Variants in UNC13C observed in about 807,000 individuals in gnomAD.
UNC13C encodes unc-13 homolog C.
A neutral mutation model predicts 245.4 loss-of-function variants in UNC13C; 174 were observed. The ratio of observed to expected loss-of-function variants is 0.71; its 90% CI spans 0.63 to 0.80. The LOEUF (loss-of-function observed/expected upper bound fraction) is 0.80, where lower values mean the gene tolerates loss of function less well. Ranked by LOEUF, UNC13C falls within the 30% of genes least tolerant of loss-of-function variation. The pLI is 0.00. For synonymous variants in UNC13C, 992 were observed against 895.1 expected (o/e 1.11, Z -1.93); for missense variants, 2,829 against 2,602.9 (o/e 1.09, Z -1.89).
intron 13 of UNC13C, among the ~76,000 whole-genome samples, chr15:54,303,083 C>T (rs2037630852): frequency 6.6e-6 from 1 of 152,122 alleles, no homozygotes. Flanking sequence ...ATTGAACCTC[C>T]TTCTCAAATC....
At chr15:54,295,691 A>AG (rs10658183) in intron 11 of UNC13C, among the ~76,000 whole-genome samples, 1 of 151,426 alleles carries the variant, frequency 6.6e-6, no homozygotes, top group African/African-American at 2.4e-5. Flanking sequence ...AAAAAGAAAA[A>AG]CCATGTACCA....
chr15:54,142,948 T>C (rs2032090453), intron 2 of UNC13C, 70 bp from the exon 3 acceptor site: 5 of 1,309,114 alleles, frequency 3.8e-6, no homozygotes, highest in African/African-American at 1.5e-5. Flanking sequence ...TGTTCATGTA[T>C]ATGTTTAAAC....
At chr15:54,202,981 T>G (rs928497621) in intron 4 of UNC13C, among the ~76,000 whole-genome samples, 10 of 151,440 alleles carry the variant, frequency 6.6e-5, no homozygotes, top group Non-Finnish European at 1.3e-4. Flanking sequence ...GAAAAAAATT[T>G]CTATCAAAAA....
the UNC13C span, among the ~76,000 whole-genome samples, chr15:53,861,667 G>C: frequency 2.8e-4 from 43 of 152,164 alleles, no homozygotes; most frequent in African/African-American, 9.2e-4. Context: ...AGAAAAGTGA[G>C]GTAAAGAAAG....
chr15:53,880,002 T>C, the UNC13C span, among the ~76,000 whole-genome samples: 1 of 152,230 alleles, frequency 6.6e-6, no homozygotes, highest in Middle Eastern at 3.4e-3. Context: ...TTTTCTTTTT[T>C]GTTTTTAGGG....
chr15:54,304,053 AT>A (rs908631622), intron 13 of UNC13C, among the ~76,000 whole-genome samples: 7 of 151,710 alleles, frequency 4.6e-5, no homozygotes, highest in Non-Finnish European at 8.8e-5. Flanking sequence ...AGGGGTTGGA[AT>A]TTTTTTTTCT....
chr15:54,499,486 A>G (rs1339869985), intron 20 of UNC13C, among the ~76,000 whole-genome samples: 9 of 152,190 alleles, frequency 5.9e-5, no homozygotes, highest in Admixed American at 2.0e-4. Context: ...GTATGGCATG[A>G]TGACCTGATT....
intron 2 of UNC13C, among the ~76,000 whole-genome samples, chr15:54,080,252 G>A (rs571731176): frequency 7.2e-5 from 11 of 151,950 alleles, no homozygotes; most frequent in African/African-American, 1.7e-4. Context: ...TGGGGTCTAC[G>A]TTCATCAAGG....
chr15:54,318,132 C>T (rs1468149869), intron 13 of UNC13C, among the ~76,000 whole-genome samples: 1 of 151,922 alleles, frequency 6.6e-6, no homozygotes, highest in African/African-American at 2.4e-5. Flanking sequence ...CATTCATCTA[C>T]TGATAGATAC....
At position 54,603,487 on chromosome 15, in the gene UNC13C, T is replaced by C. The variant is rs189090303; in HGVS notation, c.6107-18840T>C. On this transcript the variant is annotated intron_variant, in intron 30 of 32. Transcript: ENST00000260323. ...CACTGCATTCATTCTTAGATATATA[T>C]AGAAAATCACTTGTTTAATACTCCA... 1.4e-3 allele frequency among the ~76,000 whole-genome samples: 215 copies of C among 152,240 alleles called. 1 individual carries two copies. The highest frequency in any genetic ancestry group is 2.3e-3 in the Non-Finnish European group (159 of 68,006).
the UNC13C span, among the ~76,000 whole-genome samples, chr15:53,874,260 C>A: frequency 3.3e-5 from 5 of 152,112 alleles, no homozygotes; most frequent in African/African-American, 1.2e-4. Context: ...AGGTATTATA[C>A]AAAGTACCTT....
chr15:54,436,534 A>G (rs1237362213), intron 19 of UNC13C, among the ~76,000 whole-genome samples: 6 of 151,944 alleles, frequency 3.9e-5, no homozygotes, highest in African/African-American at 1.4e-4. Flanking sequence ...GAAGCTGGAA[A>G]CCATCATTCT....
chr15:54,266,112 C>T (rs2036543809), intron 10 of UNC13C, among the ~76,000 whole-genome samples: 1 of 151,924 alleles, frequency 6.6e-6, no homozygotes, highest in South Asian at 2.1e-4. Flanking sequence ...AAAATTCCTA[C>T]ATGAGTTAAA....
chr15:54,112,114 G>A lies in UNC13C; in HGVS notation c.2984-30904G>A, dbSNP rs1446734220. On this transcript the variant is annotated intron_variant, in intron 2 of 32. Transcript: ENST00000260323. ...CTTGTTAAAATTCTACTTTCTAAAA[G>A]AAGGAAGAAAGTTACTATCCCCAAC... Among the ~76,000 whole-genome samples, 3 of 152,138 alleles carry A rather than the reference G, an allele frequency of 2.0e-5. No homozygotes were observed. In the South Asian group the frequency reaches 6.2e-4, roughly 32 times the overall value.
chr15:54,609,393 C>T (rs1899953607), intron 30 of UNC13C: 1 of 152,158 alleles, frequency 6.6e-6, no homozygotes, highest in Non-Finnish European at 1.5e-5. Flanking sequence ...ATGATAGCTG[C>T]TTGGCGGGGT....
chr15:54,501,158 T>G (rs1596481958), intron 22 of UNC13C, among the ~76,000 whole-genome samples, 180 bp downstream of exon 22: 1 of 152,170 alleles, frequency 6.6e-6, no homozygotes, highest in African/African-American at 2.4e-5. Context: ...GTTTCTTTAA[T>G]ATGGATTTAT....
chr15:54,455,195 C>CTA (rs1891421525), intron 19 of UNC13C, among the ~76,000 whole-genome samples: 1 of 46,698 alleles, frequency 2.1e-5, no homozygotes, highest in Non-Finnish European at 4.3e-5. Flanking sequence ...CTCTCTCTCT[C>CTA]TCTCTCTCTC....
intron 30 of UNC13C, among the ~76,000 whole-genome samples, chr15:54,621,165 T>C (rs545272642): frequency 3.3e-5 from 5 of 152,208 alleles, no homozygotes; most frequent in Admixed American, 6.5e-5. Context: ...AGATAGAAAC[T>C]GAAAGTCTTT....
At chr15:53,952,427 A>G in the UNC13C span, among the ~76,000 whole-genome samples, 8 of 152,194 alleles carry the variant, frequency 5.3e-5, no homozygotes, top group African/African-American at 1.9e-4. Context: ...TCTCCCGTTC[A>G]TTCTCTCTTC....
Sources: gnomAD v4.1 joint callset for allele counts (sites outside exome capture counted in the v4.1 genomes callset) on GRCh38, gnomAD v4.1.1 for gene constraint, MANE v1.5 for transcripts, NCBI Gene and HGNC (gene_info 2026-07-23, HGNC 2026-07-21) for gene names.